The following CTIF variants were observed in gnomAD, a reference collection of about 807,000 sequenced individuals.
The protein encoded by CTIF is cap binding complex dependent translation initiation factor.
Under a neutral mutation model 66.0 loss-of-function variants are expected in CTIF, and 21 were observed. That is an observed-to-expected ratio of 0.32 (90% CI 0.23 to 0.46). The LOEUF (loss-of-function observed/expected upper bound fraction) is 0.46, where lower values mean the gene tolerates loss of function less well. Among genes scored for constraint, CTIF ranks in the 20% least tolerant of loss-of-function variants. CTIF has a pLI of 1.00. For missense variants in CTIF, 739 were observed against 812.7 expected, an observed-to-expected ratio of 0.91 and a Z score of 1.10; for synonymous variants, 345 against 326.4, an observed-to-expected ratio of 1.06 and a Z score of -0.62.
chr18:48,772,725 C>CA (rs1397142005), intron 9 of CTIF, among the ~76,000 whole-genome samples: 12 of 152,076 alleles, frequency 7.9e-5, no homozygotes, highest in Admixed American at 6.5e-5. Flanking sequence ...TTTGTTTATC[C>CA]ATTTATCTGT....
At chr18:48,544,038 C>T (rs1396306761) in intron 1 of CTIF, among the ~76,000 whole-genome samples, 1 of 152,162 alleles carries the variant, frequency 6.6e-6, no homozygotes, top group Non-Finnish European at 1.5e-5. Context: ...GCAGGGTCCT[C>T]AGGAACCTTT....
In CTIF at chr18:48,711,648, G is replaced by T. The variant is rs770632692; in HGVS notation, c.537G>T (p.Glu179Asp). Reference sequence around the variant, plus strand: ...ACCACCCGATGCCCCATGAAGTGGAGATCGCACACACCAAGAAGCTGTTCC... The same window carrying T: ...ACCACCCGATGCCCCATGAAGTGGATATCGCACACACCAAGAAGCTGTTCC... ...QGYHPMPHEV[E>D]IAHTKKLFRR... is the part of the protein sequence containing the mutation. Residue 179 changes from glutamate (E) to aspartate (D), a missense_variant, in exon 7 of 12, where the codon GAG (glutamate) becomes GAT (aspartate). By Grantham distance (45) the Glu-to-Asp change is conservative. Coordinates refer to ENST00000256413, the MANE Select transcript of CTIF (RefSeq NM_014772.3). 1 of 1,614,138 alleles carries T rather than the reference G, an allele frequency of 6.2e-7. No homozygotes were observed. Among genetic ancestry groups the T allele is most frequent in the Non-Finnish European group, 8.5e-7 (1 of 1,180,010 alleles).
At chr18:48,825,751 C>T (rs770207519) in intron 10 of CTIF, among the ~76,000 whole-genome samples, 1 of 152,312 alleles carries the variant, frequency 6.6e-6, no homozygotes, top group African/African-American at 2.4e-5. Context: ...TGATGGGGAG[C>T]AGAGATTTGC....
chr18:48,861,068 T>G lies in CTIF; in HGVS notation c.*1509T>G, dbSNP rs1332835464. 2 of 152,286 alleles carry G rather than the reference T, an allele frequency of 1.3e-5. No homozygotes were observed. Among genetic ancestry groups the G allele is most frequent in the East Asian group, 1.9e-4 (1 of 5,202 alleles). 9.4% of individuals were successfully genotyped at this position (152,286 alleles called of 1,614,324 possible). On this transcript the variant is annotated 3_prime_UTR_variant, in exon 12 of 12. Coordinates refer to ENST00000256413, the MANE Select transcript of CTIF (RefSeq NM_014772.3). The stretch of plus-strand genomic sequence containing the variant: ...GGCCCTGGGTCACTTTGGAGGCCCC[T>G]CTTGGTCCACACTGGACTGGCCGGG...
At chr18:48,646,732 G>A (rs1265154628) in intron 3 of CTIF, among the ~76,000 whole-genome samples, 5 of 147,244 alleles carry the variant, frequency 3.4e-5, no homozygotes, top group African/African-American at 7.7e-5. Context: ...GGGTAACAGC[G>A]AGACCCTGTC....
intron 6 of CTIF, among the ~76,000 whole-genome samples, chr18:48,678,083 G>A (rs1178995121): frequency 6.6e-6 from 1 of 152,168 alleles, no homozygotes; most frequent in Non-Finnish European, 1.5e-5. Flanking sequence ...AAGGAGGGAC[G>A]ATGAGGAGGA....
intron 9 of CTIF, among the ~76,000 whole-genome samples, chr18:48,781,349 G>A (rs1260736310): frequency 6.6e-6 from 1 of 152,218 alleles, no homozygotes. Context: ...GATTAGCAGA[G>A]ACTCGGCGTC....
At chr18:48,737,438 T>C (rs2092512911) in intron 7 of CTIF, among the ~76,000 whole-genome samples, 1 of 152,214 alleles carries the variant, frequency 6.6e-6, no homozygotes, top group Non-Finnish European at 1.5e-5. Flanking sequence ...CTGCTGCACA[T>C]GGAATTCTAG....
At chr18:48,820,507 G>A (rs1432066992) in intron 10 of CTIF, among the ~76,000 whole-genome samples, 1 of 151,810 alleles carries the variant, frequency 6.6e-6, no homozygotes, top group East Asian at 1.9e-4. Context: ...AGAACCACCC[G>A]CAGGCCCACA....
At chr18:48,832,471 T>G (rs945156422) in intron 10 of CTIF, among the ~76,000 whole-genome samples, 2 of 151,944 alleles carry the variant, frequency 1.3e-5, no homozygotes, top group Non-Finnish European at 2.9e-5. Context: ...AAGAAACACA[T>G]AGAAAGGGAA....
intron 7 of CTIF, among the ~76,000 whole-genome samples, chr18:48,730,259 C>CCCCGCAGTGTGAGGGCCT (rs1555681302): frequency 4.6e-5 from 6 of 131,854 alleles, no homozygotes; most frequent in Admixed American, 4.5e-4. Flanking sequence ...TGTGAGGGGC[C>CCCCGCAGTGTGAGGGCCT]CCCGCAGTGT....
intron 10 of CTIF, among the ~76,000 whole-genome samples, chr18:48,820,718 C>T (rs1425107251): frequency 2.0e-5 from 3 of 152,176 alleles, no homozygotes; most frequent in Admixed American, 1.3e-4. Context: ...TCACTCCATC[C>T]CCTGCGTCTG....
At chr18:48,787,321 A>G (rs1328561636) in intron 9 of CTIF, among the ~76,000 whole-genome samples, 1 of 152,166 alleles carries the variant, frequency 6.6e-6, no homozygotes, top group Non-Finnish European at 1.5e-5. Flanking sequence ...GAAGGAAGAA[A>G]GAAAGACAGA....
At chr18:48,804,372 C>T (rs1426623440) in intron 9 of CTIF, among the ~76,000 whole-genome samples, 1 of 152,204 alleles carries the variant, frequency 6.6e-6, no homozygotes, top group Non-Finnish European at 1.5e-5. Context: ...GCTCCAGAGT[C>T]TAGGTGTGGC....
intron 9 of CTIF, among the ~76,000 whole-genome samples, chr18:48,802,841 C>G (rs183713426): frequency 2.0e-5 from 3 of 152,214 alleles, no homozygotes; most frequent in African/African-American, 7.2e-5. Flanking sequence ...TGACACCTTG[C>G]TTTGAGGAAT....
intron 6 of CTIF, among the ~76,000 whole-genome samples, chr18:48,705,075 G>A (rs2092134781): frequency 6.6e-6 from 1 of 152,204 alleles, no homozygotes; most frequent in South Asian, 2.1e-4. Flanking sequence ...TGGACAACTG[G>A]TAACTCCACT....
At chr18:48,685,807 G>A (rs1311862407) in intron 6 of CTIF, among the ~76,000 whole-genome samples, 2 of 152,012 alleles carry the variant, frequency 1.3e-5, no homozygotes, top group African/African-American at 2.4e-5. Context: ...CTCCCAAGTA[G>A]CTGGGATTAC....
At chr18:48,804,850 A>G (rs556578675) in intron 9 of CTIF, among the ~76,000 whole-genome samples, 59 of 151,966 alleles carry the variant, frequency 3.9e-4, no homozygotes, top group African/African-American at 1.3e-3. Flanking sequence ...CTCAGTGCCC[A>G]CTTCTCTGAC....
intron 1 of CTIF, among the ~76,000 whole-genome samples, chr18:48,594,158 T>G (rs1327639982): frequency 6.6e-6 from 1 of 151,824 alleles, no homozygotes; most frequent in African/African-American, 2.4e-5. Context: ...CCTACCCTTT[T>G]CCGGCGGGTC....
Sources: gnomAD v4.1 joint callset for allele counts (sites outside exome capture counted in the v4.1 genomes callset) on GRCh38, gnomAD v4.1.1 for gene constraint, MANE v1.5 for transcripts, NCBI Gene and HGNC (gene_info 2026-07-23, HGNC 2026-07-21) for gene names.